SLC14A2: variants seen among roughly 807,000 people sequenced by gnomAD.
SLC14A2 encodes solute carrier family 14 member 2.
Under a neutral mutation model 104.6 loss-of-function variants are expected in SLC14A2, and 91 were observed. That is an observed-to-expected ratio of 0.87 (90% confidence interval 0.73 to 1.04). SLC14A2 has a LOEUF of 1.04. Among genes scored for constraint, SLC14A2 ranks in the 50% least tolerant of loss-of-function variants. SLC14A2 has a pLI of 0.00. For missense variants in SLC14A2, 1,189 were observed against 1,156.0 expected, an observed-to-expected ratio of 1.03 and a Z score of -0.41; for synonymous variants, 476 against 466.4, an observed-to-expected ratio of 1.02 and a Z score of -0.27.
At chr18:45,286,858 T>C (rs780976248) in intron 1 of SLC14A2, among the ~76,000 whole-genome samples, 2 of 152,230 alleles carry the variant, frequency 1.3e-5, no homozygotes, top group Non-Finnish European at 2.9e-5. Context: ...TCTAAGACTT[T>C]GGCTCCCCAT....
At chr18:45,285,671 C>CT (rs1032730130) in intron 1 of SLC14A2, among the ~76,000 whole-genome samples, 1 of 143,102 alleles carries the variant, frequency 7.0e-6, no homozygotes, top group Non-Finnish European at 1.6e-5. Context: ...GCCCCCCCCC[C>CT]CCCTCGGCCT....
At chr18:45,591,633 C>A (rs1309199197) in intron 2 of SLC14A2, among the ~76,000 whole-genome samples, 1 of 152,228 alleles carries the variant, frequency 6.6e-6, no homozygotes, top group African/African-American at 2.4e-5. Context: ...CCACGCCCAG[C>A]CGAGATAACA....
intron 18 of SLC14A2, among the ~76,000 whole-genome samples, chr18:45,675,709 A>ATATATATATTT (rs57989993): frequency 1.8e-4 from 14 of 78,384 alleles, no homozygotes; most frequent in East Asian, 5.2e-4. Flanking sequence ...ATATATATAT[A>ATATATATATTT]TTTTTTTTTT....
chr18:45,582,208 A>G (rs930516943), intron 2 of SLC14A2, among the ~76,000 whole-genome samples: 2 of 152,210 alleles, frequency 1.3e-5, no homozygotes, highest in African/African-American at 4.8e-5. Flanking sequence ...CACCATGGGC[A>G]CATGGTCTAG....
chr18:45,238,584 A>G (rs1422747216), intron 1 of SLC14A2, among the ~76,000 whole-genome samples: 1 of 152,224 alleles, frequency 6.6e-6, no homozygotes, highest in Non-Finnish European at 1.5e-5. Context: ...AAATCTTCAG[A>G]CCAATGATTT....
At chr18:45,285,663 C>G (rs1294633341) in intron 1 of SLC14A2, among the ~76,000 whole-genome samples, 5 of 13,954 alleles carry the variant, frequency 3.6e-4, no homozygotes, top group East Asian at 0.011. Context: ...GGTGATCTGC[C>G]CCCCCCCCCC....
intron 1 of SLC14A2, among the ~76,000 whole-genome samples, chr18:45,289,869 A>G (rs894275714): frequency 2.0e-5 from 3 of 152,204 alleles, no homozygotes; most frequent in African/African-American, 7.2e-5. Flanking sequence ...CAAGACCTGA[A>G]CAACTCGAGA....
chr18:45,548,376 CG>C (rs774625007), intron 2 of SLC14A2, among the ~76,000 whole-genome samples: 1 of 152,080 alleles, frequency 6.6e-6, no homozygotes, highest in South Asian at 2.1e-4. Flanking sequence ...ATTTTTGATT[CG>C]GGGAAAAGAG....
intron 1 of SLC14A2, among the ~76,000 whole-genome samples, chr18:45,352,483 C>G (rs1598710738): frequency 6.6e-6 from 1 of 152,002 alleles, no homozygotes; most frequent in African/African-American, 2.4e-5. Flanking sequence ...TCTGTCTTCC[C>G]ATTCTTCCTA....
At chr18:45,361,039 G>A (rs1032812886) in intron 1 of SLC14A2, among the ~76,000 whole-genome samples, 3 of 151,988 alleles carry the variant, frequency 2.0e-5, no homozygotes, top group South Asian at 2.1e-4. Context: ...ACCCGTATCC[G>A]TCAGTTCTTG....
At chr18:45,266,781 G>A (rs1281163214) in intron 1 of SLC14A2, among the ~76,000 whole-genome samples, 2 of 152,236 alleles carry the variant, frequency 1.3e-5, no homozygotes, top group East Asian at 3.9e-4. Flanking sequence ...GTATAGCTAT[G>A]GCTGTCTGGC....
At chr18:45,244,712 G>T (rs2144059302) in intron 1 of SLC14A2, among the ~76,000 whole-genome samples, 1 of 152,274 alleles carries the variant, frequency 6.6e-6, no homozygotes, top group South Asian at 2.1e-4. Context: ...GCCCAAATCA[G>T]CAAGAAAGAT....
chr18:45,567,477 A>G (rs1443033837), intron 2 of SLC14A2, among the ~76,000 whole-genome samples: 3 of 152,252 alleles, frequency 2.0e-5, no homozygotes, highest in African/African-American at 7.2e-5. Flanking sequence ...AGCAAAGGGA[A>G]GCTTCTCTGT....
At chr18:45,334,766 C>CA (rs1445349801) in intron 1 of SLC14A2, among the ~76,000 whole-genome samples, 3 of 152,168 alleles carry the variant, frequency 2.0e-5, no homozygotes, top group African/African-American at 7.2e-5. Context: ...AGCAAGCCTG[C>CA]AGCACAGGTA....
In SLC14A2 at chr18:45,539,537, A is replaced by T. The variant is rs181198093; in HGVS notation, c.-35+56215A>T. 5.1e-3 allele frequency among the ~76,000 whole-genome samples: 783 copies of T among 152,268 alleles called. 7 individuals are homozygous for T. The highest frequency in any genetic ancestry group is 0.018 in the African/African-American group (745 of 41,564). On this transcript the variant is annotated intron_variant, in intron 2 of 20. Transcript: ENST00000586448. ...AAATCCAGACCCTGCCTCTAGCCCC[A>T]TGTCAGCCAGCTCTGCTGGAGCCCA...
At chr18:45,442,666 C>T (rs758567436) in intron 1 of SLC14A2, among the ~76,000 whole-genome samples, 5 of 152,052 alleles carry the variant, frequency 3.3e-5, no homozygotes, top group Non-Finnish European at 5.9e-5. Flanking sequence ...AGAGTTAGGA[C>T]TTCAACATAT....
At chr18:45,498,299 T>C (rs535310012) in intron 2 of SLC14A2, among the ~76,000 whole-genome samples, 1 of 152,292 alleles carries the variant, frequency 6.6e-6, no homozygotes, top group African/African-American at 2.4e-5. Context: ...ACTACTGAAA[T>C]CACCCTCAGA....
intron 2 of SLC14A2, chr18:45,528,428 G>A (rs2043630781): frequency 6.6e-6 from 1 of 151,960 alleles, no homozygotes; most frequent in African/African-American, 2.4e-5. Flanking sequence ...ACTTTACCTG[G>A]ACTAAAGACC....
At chr18:45,469,752 C>T (rs929649145) in intron 1 of SLC14A2, among the ~76,000 whole-genome samples, 13 of 152,134 alleles carry the variant, frequency 8.5e-5, no homozygotes, top group African/African-American at 2.9e-4. Flanking sequence ...AGAAAGGAAA[C>T]GGCATGGACC....
Sources: allele counts gnomAD v4.1 joint callset (sites outside exome capture counted in the v4.1 genomes callset), GRCh38; gene constraint gnomAD v4.1.1; transcripts MANE v1.5; gene names NCBI Gene and HGNC (gene_info 2026-07-23, HGNC 2026-07-21).